Variants in ATP8B4 observed in about 807,000 individuals in gnomAD.
The protein encoded by ATP8B4 is probable phospholipid-transporting ATPase IM.
Under a neutral mutation model 145.6 loss-of-function variants are expected in ATP8B4, and 133 were observed. The ratio of observed to expected loss-of-function variants is 0.91; its 90% CI spans 0.79 to 1.05. The LOEUF (loss-of-function observed/expected upper bound fraction) is 1.05. ATP8B4 is among the 50% of genes least tolerant of loss of function. ATP8B4 has a pLI of 0.00. For synonymous variants in ATP8B4, 507 were observed against 492.9 expected (o/e 1.03, Z -0.38); for missense variants, 1,458 against 1,425.2 (o/e 1.02, Z -0.37).
intron 14 of ATP8B4, among the ~76,000 whole-genome samples, chr15:49,943,489 T>C (rs551197190): frequency 2.0e-5 from 3 of 152,070 alleles, no homozygotes; most frequent in African/African-American, 7.2e-5. Flanking sequence ...CAACTCATCA[T>C]GTACAAGGGA....
At chr15:50,158,641 T>C (rs2044468077) in intron 1 of ATP8B4, among the ~76,000 whole-genome samples, 2 of 152,200 alleles carry the variant, frequency 1.3e-5, no homozygotes, top group Admixed American at 1.3e-4. Context: ...ATGATGACAA[T>C]GGCGGTTTTG....
At chr15:50,140,853 G>A (rs567670725) in intron 1 of ATP8B4, among the ~76,000 whole-genome samples, 5 of 152,288 alleles carry the variant, frequency 3.3e-5, no homozygotes, top group African/African-American at 9.6e-5. Flanking sequence ...GGATGAGACT[G>A]GGGAATCCAC....
intron 25 of ATP8B4, among the ~76,000 whole-genome samples, chr15:49,875,095 T>C (rs4238375): frequency 1 from 152,341 of 152,346 alleles, 76,168 homozygotes; most frequent in Middle Eastern, 1. Context: ...CACACACATC[T>C]ATCCATGTAC....
At chr15:49,903,282 T>C (rs2038246681) in intron 20 of ATP8B4, among the ~76,000 whole-genome samples, 2 of 152,240 alleles carry the variant, frequency 1.3e-5, no homozygotes, top group African/African-American at 4.8e-5. Flanking sequence ...CTCCCTTCAA[T>C]GACTATGAGC....
At chr15:49,899,463 G>A (rs1566951282) in intron 21 of ATP8B4, among the ~76,000 whole-genome samples, 1 of 152,068 alleles carries the variant, frequency 6.6e-6, no homozygotes, top group Non-Finnish European at 1.5e-5. Flanking sequence ...AAATGTCAAT[G>A]GATGAATGGC....
At chr15:49,987,681 A>G (rs570245198) in intron 9 of ATP8B4, 132 bp from the exon 10 acceptor site, 2 of 928,358 alleles carry the variant, frequency 2.2e-6, no homozygotes, top group Non-Finnish European at 1.5e-6. Context: ...GAATTGTGCT[A>G]GAAAAAAATA....
intron 1 of ATP8B4, among the ~76,000 whole-genome samples, chr15:50,173,989 G>A (rs1001020466): frequency 7.9e-5 from 12 of 152,062 alleles, no homozygotes; most frequent in African/African-American, 2.4e-4. Flanking sequence ...ATGGTTTCAC[G>A]TACTCAAGCC....
chr15:49,993,272 G>A (rs1206822008), intron 9 of ATP8B4, among the ~76,000 whole-genome samples: 1 of 151,968 alleles, frequency 6.6e-6, no homozygotes, highest in Non-Finnish European at 1.5e-5. Flanking sequence ...AAAAAGAAGT[G>A]AAGGAAGACG....
At chr15:50,109,935 T>A (rs913360515) in intron 1 of ATP8B4, among the ~76,000 whole-genome samples, 4 of 152,186 alleles carry the variant, frequency 2.6e-5, no homozygotes, top group Admixed American at 1.3e-4. Context: ...CATTCAAACA[T>A]AAAGCAATGT....
chr15:50,127,950 C>G (rs1241119069), intron 1 of ATP8B4, among the ~76,000 whole-genome samples: 1 of 152,098 alleles, frequency 6.6e-6, no homozygotes, highest in Non-Finnish European at 1.5e-5. Context: ...AGAGTGTGCC[C>G]CAGTCTCAAG....
At chr15:50,172,555 C>A (rs1039191769) in intron 1 of ATP8B4, among the ~76,000 whole-genome samples, 1 of 152,232 alleles carries the variant, frequency 6.6e-6, no homozygotes, top group African/African-American at 2.4e-5. Context: ...AGTCTCTGCC[C>A]GGCCGCCACC....
intron 1 of ATP8B4, among the ~76,000 whole-genome samples, chr15:50,173,213 G>A (rs2140873529): frequency 6.6e-6 from 1 of 152,362 alleles, no homozygotes; most frequent in East Asian, 1.9e-4. Flanking sequence ...AGCTCATTGA[G>A]AACAGGCCAT....
chr15:49,963,518 T>C (rs1176928565), intron 13 of ATP8B4, among the ~76,000 whole-genome samples: 3 of 152,144 alleles, frequency 2.0e-5, no homozygotes, highest in Non-Finnish European at 4.4e-5. Context: ...CTAATGCCCA[T>C]CAGTGATAGA....
intron 6 of ATP8B4, among the ~76,000 whole-genome samples, chr15:50,023,779 C>CAAAAAAAAAAAAAAAAAGAAAAAAAAAA (rs2049784902): frequency 1.3e-5 from 1 of 75,056 alleles, no homozygotes; most frequent in Non-Finnish European, 2.5e-5. Flanking sequence ...AGACCAAAGG[C>CAAAAAAAAAAAAAAAAAGAAAAAAAAAA]AAAAAAAAAA....
chr15:50,097,733 T>G (rs2056079629), intron 2 of ATP8B4, among the ~76,000 whole-genome samples: 1 of 152,146 alleles, frequency 6.6e-6, no homozygotes, highest in African/African-American at 2.4e-5. Context: ...TATATAATGC[T>G]CATGTCAGCC....
At chr15:50,099,274 T>TTTTTC (rs981234233) in intron 2 of ATP8B4, among the ~76,000 whole-genome samples, 1 of 152,126 alleles carries the variant, frequency 6.6e-6, no homozygotes, top group Non-Finnish European at 1.5e-5. Context: ...TGTACAATTT[T>TTTTTC]TTTTCTTTTC....
At chr15:49,897,809 A>G (rs184096446) in intron 22 of ATP8B4, among the ~76,000 whole-genome samples, 15 of 152,338 alleles carry the variant, frequency 9.8e-5, no homozygotes, top group Middle Eastern at 3.4e-3. Flanking sequence ...TCTACACCGT[A>G]GCTACTTACT....
chr15:50,055,513 C>A (rs1390023931), intron 3 of ATP8B4, among the ~76,000 whole-genome samples: 1 of 152,170 alleles, frequency 6.6e-6, no homozygotes, highest in Admixed American at 6.5e-5. Context: ...GCCCCAGGAG[C>A]TTTTGCAATC....
rs117654014 is a variant in ATP8B4 at position 50,176,078 on chromosome 15, T to C, written c.-43+6183A>G. ...ATACCGCAGAGTATATATATATATA[T>C]ACCACAGAGTATATATATAGTGTGT... On this transcript the variant is annotated intron_variant, in intron 1 of 3. Transcript: ENST00000558829. Among the ~76,000 whole-genome samples, 1,422 of 151,574 alleles carry C rather than the reference T, an allele frequency of 9.4e-3. 46 individuals are homozygous for C. The highest frequency in any genetic ancestry group is 0.06 in the South Asian group (289 of 4,820).
Sources: allele counts gnomAD v4.1 joint callset (sites outside exome capture counted in the v4.1 genomes callset), GRCh38; gene constraint gnomAD v4.1.1; transcripts MANE v1.5; gene names NCBI Gene and HGNC (gene_info 2026-07-23, HGNC 2026-07-21).